The following MSH6 variants were observed in gnomAD, a reference collection of about 807,000 sequenced individuals.
MSH6 encodes mutS homolog 6.
Under a neutral mutation model 119.1 loss-of-function variants are expected in MSH6, and 85 were observed. That is an observed-to-expected ratio of 0.71 (90% CI 0.60 to 0.85). The LOEUF (loss-of-function observed/expected upper bound fraction) is 0.85. Ranked by LOEUF, MSH6 falls within the 40% of genes least tolerant of loss-of-function variation. The pLI, the probability that MSH6 is intolerant of heterozygous loss-of-function variation, is 0.00. For synonymous variants in MSH6, 830 were observed against 586.9 expected (o/e 1.41, Z -5.99); for missense variants, 2,163 against 1,655.3 (o/e 1.31, Z -5.32).
chr2:47,806,915 C>A lies in MSH6; in HGVS notation c.*55C>A. 1 of 1,270,426 alleles carries A rather than the reference C, an allele frequency of 7.9e-7. No homozygotes were observed. The highest frequency in any genetic ancestry group is 1.1e-6 in the Non-Finnish European group (1 of 869,922). 78.7% of individuals were successfully genotyped at this position (1,270,426 alleles called of 1,614,324 possible). A position where few individuals can be genotyped will look rare whatever the true frequency, so the allele number is the denominator to read the frequency against. On this transcript the variant is annotated 3_prime_UTR_variant, in exon 10 of 10. Transcript: ENST00000234420. Reference sequence around the variant, plus strand: ...TTCTGACAAAGGTGGTAAATTCAGACAACATTATGATCTAATAAACTTTAT... The same window carrying A: ...TTCTGACAAAGGTGGTAAATTCAGAAAACATTATGATCTAATAAACTTTAT...
chr2:47,807,833 C>CTT, downstream of MSH6: 1 of 300,242 alleles, frequency 3.3e-6, no homozygotes. Context: ...AAAACACCAG[C>CTT]TTTTCAGAAG....
intron 1 of MSH6, among the ~76,000 whole-genome samples, chr2:47,786,667 T>G (rs1668370650): frequency 6.6e-6 from 1 of 152,134 alleles, no homozygotes; most frequent in Non-Finnish European, 1.5e-5. Flanking sequence ...CATCTTTTAA[T>G]GTTTGTCATT....
intron 1 of MSH6, among the ~76,000 whole-genome samples, chr2:47,790,202 A>G (rs1438242100): frequency 6.6e-6 from 1 of 152,198 alleles, no homozygotes; most frequent in Non-Finnish European, 1.5e-5. Context: ...CGGGTGAATC[A>G]TTTGAGGTCA....
At chr2:47,791,953 T>C (rs377008979) in intron 2 of MSH6, among the ~76,000 whole-genome samples, 10 of 152,078 alleles carry the variant, frequency 6.6e-5, no homozygotes, top group African/African-American at 2.2e-4. Flanking sequence ...TTCAGGTGAT[T>C]CTCCTTCCTC....
intron 2 of MSH6, among the ~76,000 whole-genome samples, chr2:47,793,318 C>T (rs1291176849): frequency 2.0e-5 from 1 of 48,786 alleles, no homozygotes; most frequent in South Asian, 1.2e-3. Context: ...GAGACTGTCT[C>T]AAAAAAAAAA....
Position 47,806,868 on chromosome 2 carries a change from A to G in MSH6, c.*8A>G, listed in dbSNP as rs1558396180. On this transcript the variant is annotated 3_prime_UTR_variant, in exon 10 of 10. Coordinates refer to ENST00000234420, the MANE Select transcript of MSH6 (RefSeq NM_000179.3). The stretch of plus-strand genomic sequence containing the variant: ...TTGATTAAGGAATTATAGACTGACT[A>G]CATTGGAAGCTTTGAGTTGACTTCT... 1.2e-6 allele frequency: 2 copies of G among 1,601,374 alleles called. No homozygotes were observed. Among genetic ancestry groups the G allele is most frequent in the Non-Finnish European group, 8.6e-7 (1 of 1,168,922 alleles).
chr2:47,789,406 A>C (rs1330459411), intron 1 of MSH6: 8 of 462,654 alleles, frequency 1.7e-5, no homozygotes, highest in Middle Eastern at 3.3e-4. Flanking sequence ...CTTTTCACAC[A>C]AACTTTTTTT....
At position 47,803,794 on chromosome 2, in the gene MSH6, T is replaced by C. The variant is rs758119644; in HGVS notation, c.3438+109T>C. The C allele has an allele frequency of 6.9e-6, 9 of 1,301,648 alleles. No individual in the cohort carries two copies. The East Asian group carries it at 1.9e-4, about 27-fold the overall frequency. The allele number at this position is 1,301,648 out of a possible 1,614,324, so 80.6% of individuals were successfully genotyped here. On this transcript the variant is annotated intron_variant, in intron 5 of 9. Coordinates refer to ENST00000234420, the MANE Select transcript of MSH6 (RefSeq NM_000179.3). ...AGTTACATAAAAGTCAGCCAGTGAC[T>C]TAATAGGAAGCAAAGGGAAATTACT...
downstream of MSH6, chr2:47,808,403 A>G (rs1204249762): frequency 2.5e-6 from 4 of 1,604,868 alleles, no homozygotes; most frequent in Non-Finnish European, 3.4e-6. Context: ...TGGCATTTCG[A>G]TCTGTGGTGT....
chr2:47,795,518 T>G (rs1669027902), intron 2 of MSH6, among the ~76,000 whole-genome samples: 2 of 147,402 alleles, frequency 1.4e-5, no homozygotes, highest in South Asian at 4.3e-4. Flanking sequence ...CAGGCTGGAG[T>G]GAAGTGGTGC....
In MSH6 at chr2:47,800,498, G is replaced by A. The variant is rs1553413868; in HGVS notation, c.2515G>A (p.Asp839Asn). ...TCCCCTGAAGAGTCAGAACCACCCA[G>A]ACAGCAGGGCTATAATGTATGAAGA... The part of the protein sequence containing the change: ...GSPLKSQNHP[D>N]SRAIMYEETT... The change falls in exon 4 of 10, where the codon GAC becomes AAC. Residue 839 changes from aspartate (D) to asparagine (N), a missense_variant. Physicochemically the swap from Asp to Asn is conservative, Grantham distance 23. Coordinates refer to ENST00000234420, the MANE Select transcript of MSH6 (RefSeq NM_000179.3). 1.9e-6 allele frequency: 3 copies of A among 1,612,972 alleles called. No homozygotes were observed. The highest frequency in any genetic ancestry group is 1.7e-6 in the Non-Finnish European group (2 of 1,179,742).
chr2:47,798,528 CA>C (rs931598247), intron 3 of MSH6, 82 bp from the exon 4 acceptor site: 4 of 1,485,428 alleles, frequency 2.7e-6, no homozygotes, highest in South Asian at 2.3e-5. Context: ...ATTATAAAGT[CA>C]AAAAATCATA....
intron 1 of MSH6, among the ~76,000 whole-genome samples, chr2:47,788,887 TC>T (rs1668519562): frequency 7.3e-6 from 1 of 136,408 alleles, no homozygotes; most frequent in African/African-American, 2.7e-5. Context: ...TACTGCTATT[TC>T]TTTCTTTCTT....
At chr2:47,798,181 T>C (rs1354230540) in intron 3 of MSH6, 5 of 176,432 alleles carry the variant, frequency 2.8e-5, no homozygotes, top group Non-Finnish European at 6.0e-5. Context: ...TTGATGTTCA[T>C]TGAGAGGTTT....
At chr2:47,808,501 T>C (rs1670380894), downstream of MSH6, 3 of 1,318,532 alleles carry the variant, frequency 2.3e-6, no homozygotes, top group Non-Finnish European at 3.1e-6. Flanking sequence ...GTTTATATAT[T>C]ACTATGACCT....
intron 1 of MSH6, chr2:47,783,782 G>C (rs1668165841): frequency 5.6e-6 from 3 of 540,204 alleles, no homozygotes; most frequent in Admixed American, 9.8e-5. Flanking sequence ...CCGCCAGGTG[G>C]GGGTGCTGGG....
rs531674673 is a variant in MSH6, at chr2:47,804,960, A to G, written c.3489A>G (p.Glu1163=). ...MAQMGCYVPA[E]VCRLTPIDRV... ...AGATGGGTTGTTACGTCCCTGCTGA[A>G]GTGTGCAGGCTCACACCAATTGATA... is the stretch of plus-strand genomic sequence containing the variant. The change falls in exon 6 of 10, where the codon GAA becomes GAG. Residue 1163 remains glutamate (E), a synonymous_variant. Coordinates refer to ENST00000234420, the MANE Select transcript of MSH6 (RefSeq NM_000179.3). 2 of 1,614,158 alleles carry G rather than the reference A, an allele frequency of 1.2e-6. No homozygotes were observed. The highest frequency in any genetic ancestry group is 1.7e-6 in the Non-Finnish European group (2 of 1,180,016).
intron 1 of MSH6, chr2:47,784,000 G>A (rs1668188154): frequency 2.9e-6 from 3 of 1,029,074 alleles, no homozygotes; most frequent in Non-Finnish European, 2.3e-6. Flanking sequence ...CGGCCGGCGC[G>A]GAGATAGTGA....
At position 47,800,050 on chromosome 2, in the gene MSH6, C is replaced by A; in HGVS notation, c.2067C>A (p.Phe689Leu). 1 of 1,614,076 alleles carries A rather than the reference C, an allele frequency of 6.2e-7. No homozygotes were observed. The highest frequency in any genetic ancestry group is 8.5e-7 in the Non-Finnish European group (1 of 1,180,020). ...LALSALGGCV[F>L]YLKKCLIDQE... is the part of the protein sequence containing the mutation. Reference sequence around the variant, plus strand: ...TCTCTGCTCTAGGTGGTTGTGTCTTCTACCTCAAAAAATGCCTTATTGATC... The same window carrying A: ...TCTCTGCTCTAGGTGGTTGTGTCTTATACCTCAAAAAATGCCTTATTGATC... Residue 689 changes from phenylalanine to leucine, a missense_variant, in exon 4 of 10, where the codon TTC becomes TTA. By Grantham distance (22) the Phe-to-Leu change is conservative. Coordinates refer to ENST00000234420, the MANE Select transcript of MSH6 (RefSeq NM_000179.3).
Sources: gnomAD v4.1 joint callset for allele counts (sites outside exome capture counted in the v4.1 genomes callset) on GRCh38, gnomAD v4.1.1 for gene constraint, MANE v1.5 for transcripts, NCBI Gene and HGNC (gene_info 2026-07-23, HGNC 2026-07-21) for gene names.